NEDD4L: variants seen among roughly 807,000 people sequenced by gnomAD.
NEDD4L encodes the protein E3 ubiquitin-protein ligase NEDD4-like.
Under a neutral mutation model 148.9 loss-of-function variants are expected in NEDD4L, and 54 were observed. The ratio of observed to expected loss-of-function variants is 0.36; its 90% confidence interval spans 0.29 to 0.45. The LOEUF (loss-of-function observed/expected upper bound fraction) is 0.45, where lower values mean the gene tolerates loss of function less well. Among genes scored for constraint, NEDD4L ranks in the 20% least tolerant of loss-of-function variants. The probability of loss-of-function intolerance (pLI) is 1.00; values close to 1 mark genes in which losing one functional copy is unlikely to be tolerated. For synonymous variants in NEDD4L, 433 were observed against 440.7 expected (o/e 0.98, Z 0.22); for missense variants, 856 against 1,233.8 (o/e 0.69, Z 4.59).
At chr18:58,389,596 A>G (rs572675287) in intron 28 of NEDD4L, 1 of 161,706 alleles carries the variant, frequency 6.2e-6, no homozygotes, top group Admixed American at 6.0e-5. Flanking sequence ...ATATATTCCA[A>G]CAAATATTTT....
chr18:58,374,118 C>T (rs2047247332), intron 24 of NEDD4L, among the ~76,000 whole-genome samples: 1 of 152,144 alleles, frequency 6.6e-6, no homozygotes, highest in Non-Finnish European at 1.5e-5. Flanking sequence ...TAGACGTGTT[C>T]TTTATTGCTA....
Position 58,210,968 on chromosome 18 carries a change from T to C in NEDD4L, c.123-34459T>C, listed in dbSNP as rs73452638. Among the ~76,000 whole-genome samples, 955 of 152,300 alleles carry C rather than the reference T, an allele frequency of 6.3e-3. 8 individuals are homozygous for C. The highest frequency in any genetic ancestry group is 0.02 in the African/African-American group (827 of 41,556). The stretch of plus-strand genomic sequence containing the variant: ...ATCACTATCATCAGTTGTTACACAA[T>C]CATATTGAAGGAGAGGAATATATGA... On this transcript the variant is annotated intron_variant, in intron 2 of 30. Coordinates refer to ENST00000400345, the MANE Select transcript of NEDD4L (RefSeq NM_001144967.3).
chr18:58,196,710 CT>C (rs544883000), intron 2 of NEDD4L, among the ~76,000 whole-genome samples: 1,349 of 114,408 alleles, frequency 0.012, 9 homozygotes, highest in Non-Finnish European at 0.017. Flanking sequence ...CTCTCTCTCT[CT>C]TTTTTTTTTT....
At chr18:58,173,642 C>CT (rs1287594338) in intron 2 of NEDD4L, among the ~76,000 whole-genome samples, 1 of 152,184 alleles carries the variant, frequency 6.6e-6, no homozygotes, top group Non-Finnish European at 1.5e-5. Context: ...TGCTCCATCT[C>CT]TTTTTTTCCC....
chr18:58,261,802 C>T (rs1298969402), intron 5 of NEDD4L, among the ~76,000 whole-genome samples: 3 of 152,104 alleles, frequency 2.0e-5, no homozygotes, highest in Non-Finnish European at 4.4e-5. Flanking sequence ...AAATAATTAC[C>T]TGCATATTAC....
rs9965372 is a variant in NEDD4L, at chr18:58,329,849, A to G, written c.813+722A>G. 5.5e-3 allele frequency among the ~76,000 whole-genome samples: 840 copies of G among 151,650 alleles called. 7 individuals are homozygous for G. Among genetic ancestry groups the G allele is most frequent in the African/African-American group, 0.019 (801 of 41,322 alleles). ...TTAAGATATTTTTAGTTTGTAATTTATTTTTCACAGGGGTCTAACCATGTC... is the reference window on the plus strand; with the variant it reads ...TTAAGATATTTTTAGTTTGTAATTTGTTTTTCACAGGGGTCTAACCATGTC... On this transcript the variant is annotated intron_variant, in intron 10 of 30. Transcript: ENST00000400345.
intron 2 of NEDD4L, among the ~76,000 whole-genome samples, chr18:58,242,488 T>G (rs1348434572): frequency 6.6e-6 from 1 of 151,954 alleles, no homozygotes; most frequent in Non-Finnish European, 1.5e-5. Flanking sequence ...TCTTCTTATT[T>G]ATGAATGAAT....
intron 2 of NEDD4L, among the ~76,000 whole-genome samples, chr18:58,203,095 G>A (rs2147468878): frequency 6.6e-6 from 1 of 152,108 alleles, no homozygotes; most frequent in South Asian, 2.1e-4. Flanking sequence ...AACCTCCTGA[G>A]TAGCTGGGAC....
chr18:58,184,711 G>A (rs1408537720), intron 2 of NEDD4L, among the ~76,000 whole-genome samples: 4 of 152,202 alleles, frequency 2.6e-5, no homozygotes, highest in South Asian at 4.2e-4. Context: ...GGCGGATCAC[G>A]TGGTCAGGAG....
At chr18:58,386,036 CTTGA>C (rs74183251) in intron 26 of NEDD4L, among the ~76,000 whole-genome samples, 10,482 of 150,420 alleles carry the variant, frequency 0.07, 463 homozygotes, top group South Asian at 0.18. Flanking sequence ...GCTGCCTGGG[CTTGA>C]TTGATTGATT....
At chr18:58,345,087 GT>G in intron 16 of NEDD4L, among the ~76,000 whole-genome samples, 1 of 152,320 alleles carries the variant, frequency 6.6e-6, no homozygotes, top group African/African-American at 2.4e-5. Flanking sequence ...AGTTGCGCCT[GT>G]TTACCCAGAT....
intron 1 of NEDD4L, among the ~76,000 whole-genome samples, chr18:58,134,811 TG>T (rs2032645809): frequency 6.7e-6 from 1 of 148,946 alleles, no homozygotes; most frequent in Non-Finnish European, 1.5e-5. Context: ...CTGAGGCGAA[TG>T]AAGGGGAGGA....
intron 30 of NEDD4L, among the ~76,000 whole-genome samples, chr18:58,394,994 A>T (rs1200039162): frequency 3.3e-5 from 5 of 152,190 alleles, no homozygotes; most frequent in African/African-American, 1.2e-4. Flanking sequence ...CCAGGGCTGT[A>T]CCTGGCCCCG....
chr18:58,084,710 T>TGTGTGTGTGTGTGTGTG (rs1599157510), intron 1 of NEDD4L, among the ~76,000 whole-genome samples: 1 of 150,744 alleles, frequency 6.6e-6, no homozygotes, highest in Non-Finnish European at 1.5e-5. Context: ...TGTGTGTGTG[T>TGTGTGTGTGTGTGTGTG]TTGAGACAGG....
At chr18:58,376,341 A>C (rs2047556703) in intron 24 of NEDD4L, among the ~76,000 whole-genome samples, 1 of 152,186 alleles carries the variant, frequency 6.6e-6, no homozygotes, top group Non-Finnish European at 1.5e-5. Context: ...AAGTAGAGTA[A>C]TGCATTAATC....
At chr18:58,234,363 G>T (rs377706041) in intron 2 of NEDD4L, among the ~76,000 whole-genome samples, 100 of 124,394 alleles carry the variant, frequency 8.0e-4, no homozygotes, top group African/African-American at 3.1e-3. Context: ...TCAGGGTCTT[G>T]TTCTGTCATC....
intron 2 of NEDD4L, among the ~76,000 whole-genome samples, chr18:58,172,054 T>C (rs556157840): frequency 2.6e-5 from 4 of 152,084 alleles, no homozygotes; most frequent in East Asian, 3.9e-4. Flanking sequence ...CCAGCTGGGA[T>C]TGGGCACAGA....
chr18:58,365,141 T>C (rs1448352666), intron 20 of NEDD4L, among the ~76,000 whole-genome samples: 2 of 152,216 alleles, frequency 1.3e-5, no homozygotes, highest in Admixed American at 1.3e-4. Context: ...GGGCACAATG[T>C]CTGCTCTCAT....
chr18:58,230,572 G>T (rs1442149301), intron 2 of NEDD4L, among the ~76,000 whole-genome samples: 2 of 152,084 alleles, frequency 1.3e-5, no homozygotes, highest in African/African-American at 2.4e-5. Flanking sequence ...AATAAATTCT[G>T]CATCTAGTTA....
Sources: gnomAD v4.1 joint callset for allele counts (sites outside exome capture counted in the v4.1 genomes callset) on GRCh38, gnomAD v4.1.1 for gene constraint, MANE v1.5 for transcripts, NCBI Gene and HGNC (gene_info 2026-07-23, HGNC 2026-07-21) for gene names.